Variants in PTPRJ observed in about 807,000 individuals in gnomAD.
PTPRJ encodes protein tyrosine phosphatase receptor type J, also known as receptor-type tyrosine-protein phosphatase eta.
PTPRJ carries 129 observed loss-of-function variants against 141.3 expected under a neutral mutation model. The ratio of observed to expected loss-of-function variants is 0.91; its 90% CI spans 0.79 to 1.06. PTPRJ has a LOEUF of 1.06. Ranked by LOEUF, PTPRJ falls within the 50% of genes least tolerant of loss-of-function variation. The pLI is 0.00. For synonymous variants in PTPRJ, 610 were observed against 640.5 expected, an observed-to-expected ratio of 0.95 and a Z score of 0.72; for missense variants, 1,601 against 1,679.7, an observed-to-expected ratio of 0.95 and a Z score of 0.82.
chr11:48,034,411 G>A (rs1854067887), intron 1 of PTPRJ, among the ~76,000 whole-genome samples: 2 of 151,980 alleles, frequency 1.3e-5, no homozygotes, highest in African/African-American at 4.8e-5. Context: ...GTTTCCATTA[G>A]AAGATTAAAT....
intron 1 of PTPRJ, among the ~76,000 whole-genome samples, chr11:48,035,863 C>T (rs534725935): frequency 6.6e-6 from 1 of 152,316 alleles, no homozygotes; most frequent in East Asian, 1.9e-4. Context: ...CTGTCTTCCT[C>T]TTCAAGATTC....
intron 7 of PTPRJ, among the ~76,000 whole-genome samples, chr11:48,128,313 CT>C (rs1856892982): frequency 6.6e-6 from 1 of 152,180 alleles, no homozygotes. Flanking sequence ...GAGATTAAGC[CT>C]CTGGTATTTC....
chr11:48,127,786 T>A lies in PTPRJ; in HGVS notation c.1100T>A (p.Ile367Asn), dbSNP rs755289656. 6 of 1,614,124 alleles carry A rather than the reference T, an allele frequency of 3.7e-6. No homozygotes were observed. Among genetic ancestry groups the A allele is most frequent in the Non-Finnish European group, 5.1e-6 (6 of 1,179,938 alleles). ...TCCTCTTGTGTTCTCACAGATGCTA[T>A]TCAGGTTTTTGACGTCACCGCTGTG... ...PQAIEFRTNA[I>N]QVFDVTAVNI... The change falls in exon 7 of 25, where the codon ATT becomes AAT. Residue 367 changes from isoleucine to asparagine, a missense_variant. Ile to Asn is a moderately radical substitution (Grantham distance 149). Transcript: ENST00000418331.
chr11:48,130,840 T>G, intron 8 of PTPRJ, 124 bp downstream of exon 8: 1 of 1,075,700 alleles, frequency 9.3e-7, no homozygotes, highest in Non-Finnish European at 1.3e-6. Flanking sequence ...TTTAAAAATT[T>G]TCATAACACT....
At chr11:48,145,498 C>T (rs1030402615) in intron 14 of PTPRJ, among the ~76,000 whole-genome samples, 1 of 151,538 alleles carries the variant, frequency 6.6e-6, no homozygotes, top group African/African-American at 2.4e-5. Context: ...TTGTTCAATC[C>T]TCTGTTTATT....
At chr11:48,038,696 T>C (rs1195486315) in intron 1 of PTPRJ, among the ~76,000 whole-genome samples, 2 of 151,522 alleles carry the variant, frequency 1.3e-5, no homozygotes, top group Non-Finnish European at 2.9e-5. Context: ...TTCACCATAT[T>C]AGCCAGGCTG....
chr11:48,094,730 A>G (rs1489392998), intron 1 of PTPRJ, among the ~76,000 whole-genome samples: 2 of 152,104 alleles, frequency 1.3e-5, no homozygotes, highest in African/African-American at 4.8e-5. Flanking sequence ...GTGGCCTTTA[A>G]GGATGTGTTT....
chr11:48,066,403 AG>A (rs1343752029), intron 1 of PTPRJ, among the ~76,000 whole-genome samples: 1 of 152,168 alleles, frequency 6.6e-6, no homozygotes, highest in Non-Finnish European at 1.5e-5. Flanking sequence ...ATTGCTCTGC[AG>A]GCAGTGGGCT....
At chr11:48,000,676 G>A (rs907995376) in intron 1 of PTPRJ, among the ~76,000 whole-genome samples, 4 of 150,950 alleles carry the variant, frequency 2.6e-5, no homozygotes, top group African/African-American at 7.3e-5. Context: ...AACCTACCCC[G>A]CCCCTCTCCC....
At chr11:48,001,349 AGT>A (rs57503257) in intron 1 of PTPRJ, among the ~76,000 whole-genome samples, 5,363 of 134,438 alleles carry the variant, frequency 0.04, 87 homozygotes, top group East Asian at 0.12. Flanking sequence ...ACAGCCCCAA[AGT>A]GTGTGTGTGT....
Position 48,050,706 on chromosome 11 carries a change from T to G in PTPRJ, c.97-59352T>G, listed in dbSNP as rs1435094978. On this transcript the variant is annotated intron_variant, in intron 1 of 24. Coordinates refer to ENST00000418331, the MANE Select transcript of PTPRJ (RefSeq NM_002843.4). ...TTATAAAAAACCTCAAATAGAACAGTAAATTTAGGGAATTTTTTTTTTCTG... is the reference window on the plus strand; with the variant it reads ...TTATAAAAAACCTCAAATAGAACAGGAAATTTAGGGAATTTTTTTTTTCTG... 3.3e-5 allele frequency among the ~76,000 whole-genome samples: 4 copies of G among 120,836 alleles called. No individual in the cohort carries two copies. The East Asian group carries it at 8.0e-4, about 24-fold the overall frequency. 79.3% of individuals were successfully genotyped at this position (120,836 alleles called of 152,430 possible).
At chr11:48,095,706 T>G (rs1400763463) in intron 1 of PTPRJ, among the ~76,000 whole-genome samples, 5 of 151,424 alleles carry the variant, frequency 3.3e-5, no homozygotes, top group African/African-American at 1.2e-4. Flanking sequence ...TCAGCCTCCC[T>G]CGTAGCTGGG....
At chr11:48,137,356 T>G (rs553531933) in intron 10 of PTPRJ, 75 bp downstream of exon 10, 2 of 1,497,314 alleles carry the variant, frequency 1.3e-6, no homozygotes, top group African/African-American at 2.8e-5. Flanking sequence ...CTCCCAAGTC[T>G]GTAGTTTGTC....
At chr11:48,054,895 C>T (rs1854714384) in intron 1 of PTPRJ, among the ~76,000 whole-genome samples, 1 of 151,354 alleles carries the variant, frequency 6.6e-6, no homozygotes, top group Non-Finnish European at 1.5e-5. Flanking sequence ...GTATATAAAG[C>T]CGCTGGCAGC....
At chr11:48,150,968 T>G (rs1276587343) in intron 18 of PTPRJ, among the ~76,000 whole-genome samples, 2 of 152,246 alleles carry the variant, frequency 1.3e-5, no homozygotes, top group East Asian at 3.8e-4. Context: ...CCCCTGTTGC[T>G]TGTTACCAAT....
intron 1 of PTPRJ, among the ~76,000 whole-genome samples, chr11:48,031,799 A>G (rs1349013532): frequency 2.0e-5 from 3 of 152,156 alleles, no homozygotes. Context: ...TGTAATTTGC[A>G]TATAGCGTGG....
intron 1 of PTPRJ, among the ~76,000 whole-genome samples, chr11:48,006,504 C>T (rs1300690105): frequency 6.6e-6 from 1 of 152,132 alleles, no homozygotes; most frequent in Admixed American, 6.6e-5. Context: ...ACGTGGAGGC[C>T]AGTGAGCTGG....
At chr11:48,154,243 G>A (rs540143265) in intron 19 of PTPRJ, among the ~76,000 whole-genome samples, 1 of 152,180 alleles carries the variant, frequency 6.6e-6, no homozygotes, top group East Asian at 1.9e-4. Context: ...CAGAGTCTGT[G>A]TTCTTAACCC....
At chr11:48,020,949 A>G (rs1251777442) in intron 1 of PTPRJ, among the ~76,000 whole-genome samples, 1 of 152,186 alleles carries the variant, frequency 6.6e-6, no homozygotes, top group African/African-American at 2.4e-5. Context: ...ATAGAGAAAG[A>G]TCCCCAAAAG....
Sources: gnomAD v4.1 joint callset for allele counts (sites outside exome capture counted in the v4.1 genomes callset) on GRCh38, gnomAD v4.1.1 for gene constraint, MANE v1.5 for transcripts, NCBI Gene and HGNC (gene_info 2026-07-23, HGNC 2026-07-21) for gene names.